Variants in ESRRG observed in about 807,000 individuals in gnomAD.
ESRRG encodes the protein estrogen related receptor gamma.
In ESRRG, 13 loss-of-function variants were observed where a neutral mutation model predicts 44.0. That is an observed-to-expected ratio of 0.30 (90% CI 0.19 to 0.47). ESRRG has a LOEUF of 0.47. ESRRG is among the 20% of genes least tolerant of loss of function. The pLI, the probability that ESRRG is intolerant of heterozygous loss-of-function variation, is 1.00. For synonymous variants in ESRRG, 215 were observed against 214.6 expected (o/e 1.00, Z -0.02); for missense variants, 395 against 580.6 (o/e 0.68, Z 3.29).
At chr1:216,833,450 T>C (rs1164501377) in intron 2 of ESRRG, among the ~76,000 whole-genome samples, 2 of 152,200 alleles carry the variant, frequency 1.3e-5, no homozygotes, top group East Asian at 3.9e-4. Flanking sequence ...ACAAGATATC[T>C]GCTTGTAGAT....
intron 2 of ESRRG, among the ~76,000 whole-genome samples, chr1:216,909,782 A>AT (rs1488270146): frequency 1.3e-5 from 2 of 152,210 alleles, no homozygotes; most frequent in Non-Finnish European, 2.9e-5. Context: ...CAGAACCACT[A>AT]TTTGTTGAAT....
chr1:216,672,663 T>C (rs1575099454), intron 2 of ESRRG, among the ~76,000 whole-genome samples: 1 of 151,294 alleles, frequency 6.6e-6, no homozygotes, highest in East Asian at 2.0e-4. Context: ...AGGCTAGGAG[T>C]TTGAGACCAG....
intron 3 of ESRRG, among the ~76,000 whole-genome samples, chr1:216,596,528 G>A (rs1197183522): frequency 1.3e-5 from 2 of 152,190 alleles, no homozygotes; most frequent in Non-Finnish European, 2.9e-5. Context: ...AGGCTTGGGA[G>A]TGCAGGGAGG....
At chr1:216,845,075 T>C (rs993177540) in intron 2 of ESRRG, among the ~76,000 whole-genome samples, 1 of 152,160 alleles carries the variant, frequency 6.6e-6, no homozygotes, top group Non-Finnish European at 1.5e-5. Context: ...TGTTTTATTG[T>C]CTTACTATTT....
chr1:217,070,485 G>A (rs1226034642), intron 1 of ESRRG, among the ~76,000 whole-genome samples: 2 of 151,884 alleles, frequency 1.3e-5, no homozygotes, highest in African/African-American at 4.8e-5. Context: ...AGGTTCAAGC[G>A]ATTCTCCTGC....
rs532733433 is a variant in ESRRG, at chr1:216,538,901, G to A, written c.863-19480C>T. On this transcript the variant is annotated intron_variant, in intron 5 of 6. Coordinates refer to ENST00000408911, the MANE Select transcript of ESRRG (RefSeq NM_001438.4). Reference sequence around the variant, plus strand: ...AGTTATCTTATGCAGAATATTCATCGAACAGGCAAGGGAGATGATGCCACC... The same window carrying A: ...AGTTATCTTATGCAGAATATTCATCAAACAGGCAAGGGAGATGATGCCACC... 1.3e-3 allele frequency among the ~76,000 whole-genome samples: 200 copies of A among 151,980 alleles called. 1 individual carries two copies. Among genetic ancestry groups the A allele is most frequent in the Non-Finnish European group, 2.1e-3 (144 of 67,944 alleles).
At chr1:217,044,181 C>G (rs889079897) in intron 1 of ESRRG, among the ~76,000 whole-genome samples, 1 of 152,108 alleles carries the variant, frequency 6.6e-6, no homozygotes, top group African/African-American at 2.4e-5. Context: ...ATAGGATGTA[C>G]AATAGATCAT....
At chr1:217,004,168 C>A (rs1235519292) in intron 1 of ESRRG, among the ~76,000 whole-genome samples, 2 of 152,084 alleles carry the variant, frequency 1.3e-5, no homozygotes, top group Non-Finnish European at 2.9e-5. Flanking sequence ...TTTCCCAGTT[C>A]TTTTACTTAT....
intron 2 of ESRRG, among the ~76,000 whole-genome samples, chr1:216,823,238 C>G (rs1269629785): frequency 6.6e-6 from 1 of 151,942 alleles, no homozygotes; most frequent in African/African-American, 2.4e-5. Context: ...AGACTGGATG[C>G]AAAGACCTCT....
intron 2 of ESRRG, among the ~76,000 whole-genome samples, chr1:216,795,604 G>A (rs898936888): frequency 2.0e-5 from 3 of 151,834 alleles, no homozygotes; most frequent in Non-Finnish European, 1.5e-5. Context: ...GCCTCCCAAA[G>A]TGCTGGGATT....
intron 2 of ESRRG, chr1:216,865,187 CAAAAAAAAAAAAAAAA>C (rs548064265): frequency 1.0e-4 from 5 of 49,244 alleles, no homozygotes; most frequent in Non-Finnish European, 1.3e-4. Flanking sequence ...AGCTGTGCAG[CAAAAAAAAAAAAAAAA>C]AAAAAAAAAA....
chr1:217,133,631 T>TTCTTTC (rs1491192210), intron 1 of ESRRG, among the ~76,000 whole-genome samples: 6 of 58,448 alleles, frequency 1.0e-4, no homozygotes, highest in Admixed American at 1.7e-4. Context: ...CTTTCTTTCT[T>TTCTTTC]TCTCTCTCTC....
intron 1 of ESRRG, among the ~76,000 whole-genome samples, chr1:217,046,678 G>A (rs539632425): frequency 6.6e-6 from 1 of 152,254 alleles, no homozygotes; most frequent in South Asian, 2.1e-4. Context: ...GAGTCCAGGA[G>A]TTCGAGACCA....
chr1:216,732,932 A>G (rs1452674182), intron 2 of ESRRG, among the ~76,000 whole-genome samples: 3 of 152,020 alleles, frequency 2.0e-5, no homozygotes, highest in African/African-American at 7.2e-5. Flanking sequence ...CATAGCTCCA[A>G]ATTGACTGCT....
intron 1 of ESRRG, among the ~76,000 whole-genome samples, chr1:216,982,600 A>T (rs1170150361): frequency 1.3e-5 from 2 of 152,224 alleles, no homozygotes. Flanking sequence ...AGAGAAAAAA[A>T]GGTATTGAAA....
intron 2 of ESRRG, among the ~76,000 whole-genome samples, chr1:216,897,155 A>C (rs183188617): frequency 6.6e-6 from 1 of 152,294 alleles, no homozygotes; most frequent in Non-Finnish European, 1.5e-5. Flanking sequence ...GGAAGAAATG[A>C]ATGAGGAGGA....
chr1:217,026,068 G>A (rs576724381), intron 1 of ESRRG, among the ~76,000 whole-genome samples: 75 of 152,262 alleles, frequency 4.9e-4, no homozygotes, highest in Middle Eastern at 3.4e-3. Context: ...GAGGTCACCC[G>A]TGCATGGTGA....
upstream of ESRRG, among the ~76,000 whole-genome samples, chr1:217,092,955 G>A (rs765035663): frequency 2.0e-5 from 3 of 152,010 alleles, no homozygotes; most frequent in Admixed American, 6.5e-5. Context: ...ATTTAGGGAA[G>A]CATTCTATGA....
At chr1:216,748,139 G>T in intron 2 of ESRRG, among the ~76,000 whole-genome samples, 1 of 152,086 alleles carries the variant, frequency 6.6e-6, no homozygotes, top group East Asian at 1.9e-4. Context: ...GGGTAAAGCT[G>T]GAATCCCTCA....
Sources: gnomAD v4.1 joint callset for allele counts (sites outside exome capture counted in the v4.1 genomes callset) on GRCh38, gnomAD v4.1.1 for gene constraint, MANE v1.5 for transcripts, NCBI Gene and HGNC (gene_info 2026-07-23, HGNC 2026-07-21) for gene names.